Variants in CDH13 observed in about 807,000 individuals in gnomAD.
CDH13 encodes cadherin 13, also known as cadherin-13.
Under a neutral mutation model 63.8 loss-of-function variants are expected in CDH13, and 24 were observed. That is an observed-to-expected ratio of 0.38 (90% CI 0.27 to 0.53). The LOEUF is 0.53. CDH13 is among the 20% of genes least tolerant of loss of function. CDH13 has a pLI of 0.85. For synonymous variants in CDH13, 503 were observed against 355.3 expected (o/e 1.42, Z -4.67); for missense variants, 1,049 against 903.1 (o/e 1.16, Z -2.07).
chr16:83,623,164 T>C (rs946726885), intron 8 of CDH13, among the ~76,000 whole-genome samples: 5 of 152,064 alleles, frequency 3.3e-5, no homozygotes, highest in African/African-American at 9.7e-5. Context: ...CCCTGAGGCA[T>C]ACAAGAGCCC....
At position 82,841,150 on chromosome 16, in the gene CDH13, C is replaced by G. The variant is rs150981693; in HGVS notation, c.46-17212C>G. ...ACCTTACCATCCACGGAGTGTTGCC[C>G]TGTTTGACTCCAAGCTCAAAGCTGT... On this transcript the variant is annotated intron_variant, in intron 1 of 13. Transcript: ENST00000567109. Among the ~76,000 whole-genome samples the G allele has an allele frequency of 5.1e-3, 776 of 152,284 alleles. 9 individuals carry two copies. The highest frequency in any genetic ancestry group is 0.018 in the African/African-American group (749 of 41,560).
At chr16:83,630,605 C>A (rs989808135) in intron 8 of CDH13, among the ~76,000 whole-genome samples, 1 of 152,258 alleles carries the variant, frequency 6.6e-6, no homozygotes, top group East Asian at 1.9e-4. Context: ...AGTGAATCTG[C>A]ATTTTTACGT....
intron 4 of CDH13, among the ~76,000 whole-genome samples, chr16:83,204,029 C>G (rs1474202099): frequency 6.6e-6 from 1 of 152,162 alleles, no homozygotes; most frequent in Non-Finnish European, 1.5e-5. Flanking sequence ...ATCTGGAAAT[C>G]GAGACTTTGA....
chr16:83,042,786 G>A (rs139297388), intron 3 of CDH13, among the ~76,000 whole-genome samples: 2 of 152,324 alleles, frequency 1.3e-5, no homozygotes, highest in African/African-American at 4.8e-5. Context: ...GGAATCTGTT[G>A]ACTTGGGTGA....
At chr16:83,355,281 TATG>T (rs746829597) in intron 6 of CDH13, among the ~76,000 whole-genome samples, 1 of 152,252 alleles carries the variant, frequency 6.6e-6, no homozygotes, top group East Asian at 1.9e-4. Flanking sequence ...TGAGTCATTT[TATG>T]ATGCCAGCTT....
At chr16:83,687,255 A>G (rs1167159167) in intron 10 of CDH13, among the ~76,000 whole-genome samples, 4 of 152,162 alleles carry the variant, frequency 2.6e-5, no homozygotes, top group African/African-American at 9.7e-5. Context: ...TCCATTCTCA[A>G]ATTGCTACAC....
intron 2 of CDH13, among the ~76,000 whole-genome samples, chr16:82,971,554 A>C (rs573309423): frequency 6.6e-6 from 1 of 152,332 alleles, no homozygotes; most frequent in South Asian, 2.1e-4. Flanking sequence ...CTCTGGCTAC[A>C]AACTCTGGAC....
intron 2 of CDH13, among the ~76,000 whole-genome samples, chr16:82,958,931 C>A (rs531792686): frequency 6.6e-6 from 1 of 152,334 alleles, no homozygotes; most frequent in South Asian, 2.1e-4. Context: ...AATCTACCCC[C>A]AAGGTTTTCC....
intron 6 of CDH13, among the ~76,000 whole-genome samples, chr16:83,357,308 C>A (rs932316568): frequency 6.6e-6 from 1 of 152,222 alleles, no homozygotes; most frequent in Non-Finnish European, 1.5e-5. Context: ...GAGGGGATGA[C>A]TTGAATAGTA....
At chr16:82,685,220 T>G (rs1054676233) in intron 1 of CDH13, among the ~76,000 whole-genome samples, 2 of 152,206 alleles carry the variant, frequency 1.3e-5, no homozygotes, top group Non-Finnish European at 2.9e-5. Flanking sequence ...CAATGAATGC[T>G]CATTTCACAG....
chr16:83,406,015 T>C lies in CDH13; in HGVS notation c.781+61009T>C, dbSNP rs572730388. Among the ~76,000 whole-genome samples the C allele has an allele frequency of 3.3e-5, 5 of 152,298 alleles. No homozygotes were observed. In the East Asian group the frequency reaches 9.7e-4, roughly 29 times the overall value. Reference sequence around the variant, plus strand: ...GCAGCTGCATTGGGCACTCCCACCTTCTTCCAGCAGCTTCTCCCCGCTTTT... The same window carrying C: ...GCAGCTGCATTGGGCACTCCCACCTCCTTCCAGCAGCTTCTCCCCGCTTTT... On this transcript the variant is annotated intron_variant, in intron 6 of 13. Coordinates refer to ENST00000567109, the MANE Select transcript of CDH13 (RefSeq NM_001257.5).
chr16:83,196,084 C>T (rs74377630), intron 4 of CDH13, among the ~76,000 whole-genome samples: 2,155 of 152,088 alleles, frequency 0.014, 78 homozygotes, highest in South Asian at 0.11. Flanking sequence ...GGTGAAACCG[C>T]GTCTCTACTA....
At chr16:82,992,371 A>T (rs1314807934) in intron 2 of CDH13, among the ~76,000 whole-genome samples, 1 of 152,238 alleles carries the variant, frequency 6.6e-6, no homozygotes, top group Non-Finnish European at 1.5e-5. Flanking sequence ...GGAGATTTTG[A>T]TATATACAAT....
At chr16:83,347,102 T>C (rs1394327329) in intron 6 of CDH13, among the ~76,000 whole-genome samples, 3 of 152,180 alleles carry the variant, frequency 2.0e-5, no homozygotes, top group Admixed American at 6.5e-5. Context: ...CTTAGCACCC[T>C]GTAAGAGAGT....
At chr16:83,274,098 TC>T (rs2088909527) in intron 5 of CDH13, among the ~76,000 whole-genome samples, 1 of 152,056 alleles carries the variant, frequency 6.6e-6, no homozygotes, top group Non-Finnish European at 1.5e-5. Flanking sequence ...CCTCTCGCCT[TC>T]CCCCAGGCCA....
intron 6 of CDH13, among the ~76,000 whole-genome samples, chr16:83,445,193 GT>G (rs1322051426): frequency 6.6e-6 from 1 of 151,598 alleles, no homozygotes; most frequent in African/African-American, 2.4e-5. Context: ...TTGAGTAATA[GT>G]TTTCCCATTT....
At chr16:82,773,712 C>T (rs1258171456) in intron 1 of CDH13, among the ~76,000 whole-genome samples, 2 of 152,034 alleles carry the variant, frequency 1.3e-5, no homozygotes, top group African/African-American at 4.8e-5. Context: ...GAAAATAAAT[C>T]TTGCCTTATG....
intron 1 of CDH13, among the ~76,000 whole-genome samples, chr16:82,829,011 G>T (rs1340138394): frequency 6.6e-6 from 1 of 152,084 alleles, no homozygotes; most frequent in African/African-American, 2.4e-5. Flanking sequence ...AGGCTAGAGC[G>T]ATGGGTTTTA....
chr16:83,680,806 C>G (rs930202783), intron 10 of CDH13, among the ~76,000 whole-genome samples: 8 of 152,036 alleles, frequency 5.3e-5, no homozygotes, highest in Non-Finnish European at 1.2e-4. Flanking sequence ...GTCCTGCTTA[C>G]TTGCATAGGT....
Sources: allele counts gnomAD v4.1 joint callset (sites outside exome capture counted in the v4.1 genomes callset), GRCh38; gene constraint gnomAD v4.1.1; transcripts MANE v1.5; gene names NCBI Gene and HGNC (gene_info 2026-07-23, HGNC 2026-07-21).